The following SDK1 variants were observed in gnomAD, a reference collection of about 807,000 sequenced individuals.
SDK1 encodes the protein protein sidekick-1.
A neutral mutation model predicts 245.5 loss-of-function variants in SDK1; 157 were observed. The observed-to-expected ratio is 0.64, with a 90% CI of 0.56 to 0.73. The LOEUF is 0.73. SDK1 is among the 30% of genes least tolerant of loss of function. The pLI, the probability that SDK1 is intolerant of heterozygous loss-of-function variation, is 0.00. For synonymous variants in SDK1, 1,647 were observed against 1,278.5 expected, an observed-to-expected ratio of 1.29 and a Z score of -6.15; for missense variants, 3,583 against 3,002.3, an observed-to-expected ratio of 1.19 and a Z score of -4.52.
intron 22 of SDK1, among the ~76,000 whole-genome samples, chr7:4,093,693 T>G (rs1229885542): frequency 4.6e-5 from 7 of 152,136 alleles, no homozygotes; most frequent in Non-Finnish European, 8.8e-5. Flanking sequence ...AGCGACAGCG[T>G]TTGGAATGAC....
intron 40 of SDK1, among the ~76,000 whole-genome samples, chr7:4,228,771 C>T (rs901436475): frequency 2.0e-5 from 3 of 152,186 alleles, no homozygotes; most frequent in African/African-American, 4.8e-5. Flanking sequence ...AACTCGTGAC[C>T]TCGTGATCTG....
intron 1 of SDK1, among the ~76,000 whole-genome samples, chr7:3,324,238 AG>A (rs2128548583): frequency 6.6e-6 from 1 of 152,346 alleles, no homozygotes; most frequent in East Asian, 1.9e-4. Flanking sequence ...GTTTTTTAAA[AG>A]TAAATTTTTA....
intron 1 of SDK1, among the ~76,000 whole-genome samples, chr7:3,501,285 T>C (rs1000908891): frequency 1.3e-5 from 2 of 152,140 alleles, no homozygotes; most frequent in Non-Finnish European, 2.9e-5. Flanking sequence ...CCTTCAGTTT[T>C]CTGCTTGGCT....
chr7:3,435,797 C>G (rs868843206), intron 1 of SDK1, among the ~76,000 whole-genome samples: 10 of 152,272 alleles, frequency 6.6e-5, no homozygotes, highest in Middle Eastern at 3.4e-3. Flanking sequence ...CGTATTCAGT[C>G]TCTACGTCCC....
intron 3 of SDK1, among the ~76,000 whole-genome samples, chr7:3,639,808 GAC>G (rs1401154714): frequency 1.3e-5 from 2 of 151,592 alleles, no homozygotes; most frequent in African/African-American, 4.8e-5. Context: ...ATATAATAGA[GAC>G]ATAACATATA....
intron 4 of SDK1, among the ~76,000 whole-genome samples, chr7:3,725,580 G>A (rs59492876): frequency 0.027 from 4,091 of 152,202 alleles, 201 homozygotes; most frequent in South Asian, 0.15. Context: ...GCCACTCTTT[G>A]GCGCTCTACT....
chr7:3,583,960 C>T (rs982447265), intron 1 of SDK1, among the ~76,000 whole-genome samples: 1 of 152,140 alleles, frequency 6.6e-6, no homozygotes, highest in Non-Finnish European at 1.5e-5. Context: ...AGGAATAAGG[C>T]TGGAACCCCA....
chr7:4,256,693 T>G (rs1787652185), intron 44 of SDK1, among the ~76,000 whole-genome samples: 1 of 152,228 alleles, frequency 6.6e-6, no homozygotes. Flanking sequence ...AGCCAGTGTT[T>G]TGACACAGCA....
intron 5 of SDK1, among the ~76,000 whole-genome samples, chr7:3,883,926 C>T (rs763724331): frequency 4.6e-5 from 7 of 152,150 alleles, no homozygotes; most frequent in African/African-American, 7.2e-5. Flanking sequence ...ACGATGAAGT[C>T]ACCAAACTTA....
intron 5 of SDK1, among the ~76,000 whole-genome samples, chr7:3,857,894 G>A (rs1007121642): frequency 6.6e-6 from 1 of 152,136 alleles, no homozygotes; most frequent in African/African-American, 2.4e-5. Flanking sequence ...TGAATAAACT[G>A]ATCAAGAAAT....
At chr7:3,534,478 T>C (rs966881246) in intron 1 of SDK1, among the ~76,000 whole-genome samples, 1 of 152,186 alleles carries the variant, frequency 6.6e-6, no homozygotes, top group African/African-American at 2.4e-5. Context: ...TCCATAACGG[T>C]TGTACAGTTT....
At chr7:3,419,521 C>A (rs151036327) in intron 1 of SDK1, among the ~76,000 whole-genome samples, 1 of 152,106 alleles carries the variant, frequency 6.6e-6, no homozygotes, top group Admixed American at 6.5e-5. Context: ...GTTGCTGTTT[C>A]GAAAGTATTG....
At chr7:3,661,416 A>T (rs937356164) in intron 4 of SDK1, among the ~76,000 whole-genome samples, 1 of 152,218 alleles carries the variant, frequency 6.6e-6, no homozygotes, top group East Asian at 1.9e-4. Context: ...CCGTTGGCTT[A>T]TCTCTGATCC....
chr7:3,350,171 A>AGG (rs1423231588), intron 1 of SDK1, among the ~76,000 whole-genome samples: 3 of 152,216 alleles, frequency 2.0e-5, no homozygotes, highest in Non-Finnish European at 4.4e-5. Flanking sequence ...GGATCACAGA[A>AGG]GGAGAGAGTG....
intron 44 of SDK1, among the ~76,000 whole-genome samples, chr7:4,246,316 T>A (rs1786857891): frequency 6.6e-6 from 1 of 152,006 alleles, no homozygotes; most frequent in African/African-American, 2.4e-5. Context: ...AGTCCCGGGG[T>A]AACTGGGCCT....
At chr7:3,474,112 TTTTTTTTTTTG>T (rs1481488023) in intron 1 of SDK1, among the ~76,000 whole-genome samples, 1 of 138,466 alleles carries the variant, frequency 7.2e-6, no homozygotes. Context: ...TTTTTTTTTT[TTTTTTTTTTTG>T]AGACCGTGTC....
chr7:4,062,631 A>G (rs1460760429), intron 19 of SDK1, among the ~76,000 whole-genome samples: 1 of 152,218 alleles, frequency 6.6e-6, no homozygotes, highest in East Asian at 1.9e-4. Context: ...CCCAGATACC[A>G]AAACCAGACA....
chr7:3,374,047 T>A (rs965119965), intron 1 of SDK1, among the ~76,000 whole-genome samples: 1 of 152,230 alleles, frequency 6.6e-6, no homozygotes, highest in African/African-American at 2.4e-5. Context: ...GTAAATTAAA[T>A]GTCATCTCAG....
At chr7:3,889,817 C>A (rs1161443864) in intron 5 of SDK1, among the ~76,000 whole-genome samples, 1 of 152,092 alleles carries the variant, frequency 6.6e-6, no homozygotes, top group African/African-American at 2.4e-5. Context: ...CTATATGATT[C>A]TTACTAGAAG....
Sources: gnomAD v4.1 joint callset for allele counts (sites outside exome capture counted in the v4.1 genomes callset) on GRCh38, gnomAD v4.1.1 for gene constraint, MANE v1.5 for transcripts, NCBI Gene and HGNC (gene_info 2026-07-23, HGNC 2026-07-21) for gene names.